Variants in LMX1A observed in about 807,000 individuals in gnomAD.
LMX1A encodes LIM homeobox transcription factor 1 alpha, also known as LIM homeobox transcription factor 1-alpha.
In LMX1A, 15 loss-of-function variants were observed where a neutral mutation model predicts 49.1. The ratio of observed to expected loss-of-function variants is 0.31; its 90% CI spans 0.20 to 0.47. The LOEUF (loss-of-function observed/expected upper bound fraction) is 0.47. LMX1A is among the 20% of genes least tolerant of loss of function. LMX1A has a pLI of 1.00. For synonymous variants in LMX1A, 167 were observed against 185.7 expected, an observed-to-expected ratio of 0.90 and a Z score of 0.82; for missense variants, 372 against 475.8, an observed-to-expected ratio of 0.78 and a Z score of 2.03.
chr1:165,281,739 T>TGG (rs1654156522), intron 3 of LMX1A, among the ~76,000 whole-genome samples: 3 of 144,630 alleles, frequency 2.1e-5, no homozygotes, highest in Non-Finnish European at 4.5e-5. Flanking sequence ...TTTGTGTGTG[T>TGG]GTGTGTATGT....
intron 4 of LMX1A, among the ~76,000 whole-genome samples, chr1:165,220,393 G>A (rs568070690): frequency 1.4e-4 from 21 of 152,210 alleles, no homozygotes; most frequent in Non-Finnish European, 2.8e-4. Flanking sequence ...GTGGGAAGAA[G>A]GAGGTGTTAC....
chr1:165,216,374 G>T (rs540105220), intron 4 of LMX1A, among the ~76,000 whole-genome samples: 5 of 152,320 alleles, frequency 3.3e-5, no homozygotes, highest in Non-Finnish European at 7.4e-5. Context: ...TTGGTGTTTA[G>T]TGAGGCCAGC....
In LMX1A at chr1:165,203,866, C is replaced by A. The variant is rs770653489; in HGVS notation, c.*14G>T. 6.2e-7 allele frequency: 1 copy of A among 1,613,198 alleles called. No individual in the cohort carries two copies. The highest frequency in any genetic ancestry group is 1.7e-5 in the Admixed American group (1 of 59,990). On this transcript the variant is annotated 3_prime_UTR_variant, in exon 9 of 9. Transcript: ENST00000342310. ...TCCATATGGGAGCCTAGTCACAGAA[C>A]TCTAGGGGAAGACTCAAGATGTGAA... is the stretch of plus-strand genomic sequence containing the variant.
intron 4 of LMX1A, among the ~76,000 whole-genome samples, chr1:165,245,737 C>T (rs1403132098): frequency 6.6e-6 from 1 of 151,990 alleles, no homozygotes; most frequent in Non-Finnish European, 1.5e-5. Context: ...CCCACTATAA[C>T]CCCATGTGGA....
intron 3 of LMX1A, among the ~76,000 whole-genome samples, chr1:165,313,935 G>C (rs1211433099): frequency 1.3e-5 from 2 of 152,234 alleles, no homozygotes; most frequent in African/African-American, 4.8e-5. Flanking sequence ...CCCCTTGGCT[G>C]ACATTTCCCA....
At chr1:165,347,089 T>C (rs1337907354) in intron 3 of LMX1A, among the ~76,000 whole-genome samples, 1 of 152,192 alleles carries the variant, frequency 6.6e-6, no homozygotes, top group South Asian at 2.1e-4. Context: ...ACACCTCATA[T>C]CATGCTAGTC....
At chr1:165,334,621 G>A (rs1365494322) in intron 3 of LMX1A, among the ~76,000 whole-genome samples, 2 of 148,870 alleles carry the variant, frequency 1.3e-5, no homozygotes, top group East Asian at 2.0e-4. Context: ...GACTAATTAT[G>A]AGGAAGCTAA....
chr1:165,248,393 A>G (rs551377172), intron 4 of LMX1A, among the ~76,000 whole-genome samples: 2 of 152,376 alleles, frequency 1.3e-5, no homozygotes, highest in Admixed American at 1.3e-4. Flanking sequence ...GGCAAGAACT[A>G]GTAAGGTCAC....
chr1:165,326,203 AG>A (rs1655575795), intron 3 of LMX1A, among the ~76,000 whole-genome samples: 1 of 152,168 alleles, frequency 6.6e-6, no homozygotes, highest in African/African-American at 2.4e-5. Flanking sequence ...GAGGAGGGGA[AG>A]GGGGGTAGAT....
intron 3 of LMX1A, among the ~76,000 whole-genome samples, chr1:165,259,390 G>A (rs899914166): frequency 5.9e-5 from 9 of 152,174 alleles, no homozygotes; most frequent in Admixed American, 5.9e-4. Context: ...TCAGGAAGTT[G>A]TCAGCTCCAT....
At chr1:165,208,340 C>T (rs1651187705) in intron 6 of LMX1A, among the ~76,000 whole-genome samples, 1 of 152,226 alleles carries the variant, frequency 6.6e-6, no homozygotes, top group African/African-American at 2.4e-5. Flanking sequence ...AGTATAAAGA[C>T]AGCTGGCTGG....
intron 3 of LMX1A, among the ~76,000 whole-genome samples, chr1:165,320,267 G>A (rs1557883831): frequency 6.6e-6 from 1 of 152,174 alleles, no homozygotes; most frequent in Non-Finnish European, 1.5e-5. Flanking sequence ...AAGAAGTGCT[G>A]AATACAGTGA....
At chr1:165,289,782 G>C (rs1438788717) in intron 3 of LMX1A, among the ~76,000 whole-genome samples, 3 of 152,208 alleles carry the variant, frequency 2.0e-5, no homozygotes, top group African/African-American at 7.2e-5. Context: ...GCCTGCCTTA[G>C]ACAGCTGTTG....
intron 3 of LMX1A, among the ~76,000 whole-genome samples, chr1:165,270,254 C>A (rs1653755891): frequency 6.6e-6 from 1 of 152,112 alleles, no homozygotes; most frequent in Non-Finnish European, 1.5e-5. Context: ...TCCTCTCCAC[C>A]AATCTAAATC....
chr1:165,247,080 T>TTTTTTTTTTTTTTTTTTC (rs1652883753), intron 4 of LMX1A, among the ~76,000 whole-genome samples: 1 of 134,320 alleles, frequency 7.4e-6, no homozygotes, highest in Non-Finnish European at 1.7e-5. Context: ...TTTTTTTTTT[T>TTTTTTTTTTTTTTTTTTC]GCAGGGTTAG....
chr1:165,320,826 C>A, intron 3 of LMX1A, among the ~76,000 whole-genome samples: 1 of 152,108 alleles, frequency 6.6e-6, no homozygotes, highest in East Asian at 1.9e-4. Context: ...AATAGTAATT[C>A]CATGTGATAA....
intron 4 of LMX1A, among the ~76,000 whole-genome samples, chr1:165,230,009 C>T (rs1652184004): frequency 6.6e-6 from 1 of 152,080 alleles, no homozygotes; most frequent in Non-Finnish European, 1.5e-5. Flanking sequence ...ATGGGGGAAC[C>T]CTCGTGAATG....
intron 2 of LMX1A, among the ~76,000 whole-genome samples, chr1:165,354,401 T>C (rs1656529825): frequency 6.6e-6 from 1 of 152,112 alleles, no homozygotes; most frequent in African/African-American, 2.4e-5. Context: ...AGAGCGAACG[T>C]GGGCCGAGCG....
intron 3 of LMX1A, among the ~76,000 whole-genome samples, chr1:165,302,860 C>T (rs1557878236): frequency 6.6e-6 from 1 of 152,196 alleles, no homozygotes; most frequent in African/African-American, 2.4e-5. Flanking sequence ...TCCTGTAACT[C>T]AGCATAGTTG....
Sources: gnomAD v4.1 joint callset for allele counts (sites outside exome capture counted in the v4.1 genomes callset) on GRCh38, gnomAD v4.1.1 for gene constraint, MANE v1.5 for transcripts, NCBI Gene and HGNC (gene_info 2026-07-23, HGNC 2026-07-21) for gene names.